Variants in LAMA2 observed in about 807,000 individuals in gnomAD.
LAMA2 encodes laminin subunit alpha 2.
A neutral mutation model predicts 364.8 loss-of-function variants in LAMA2; 269 were observed. That is an observed-to-expected ratio of 0.74 (90% CI 0.67 to 0.82). LAMA2 has a LOEUF of 0.82. Ranked by LOEUF, LAMA2 falls within the 40% of genes least tolerant of loss-of-function variation. LAMA2 has a pLI of 0.00. For missense variants in LAMA2, 3,807 were observed against 3,873.2 expected, an observed-to-expected ratio of 0.98 and a Z score of 0.45; for synonymous variants, 1,379 against 1,370.6, an observed-to-expected ratio of 1.01 and a Z score of -0.14.
chr6:129,245,927 A>G (rs1325116077), intron 12 of LAMA2, among the ~76,000 whole-genome samples: 1 of 152,188 alleles, frequency 6.6e-6, no homozygotes, highest in African/African-American at 2.4e-5. Flanking sequence ...AGACATTCTC[A>G]GTTCAGAATG....
intron 23 of LAMA2, among the ~76,000 whole-genome samples, chr6:129,314,359 A>C (rs1346372008): frequency 7.0e-6 from 1 of 143,006 alleles, no homozygotes; most frequent in Non-Finnish European, 1.5e-5. Flanking sequence ...AGATAGCGCC[A>C]CTGCACTCTG....
chr6:129,423,273 G>A (rs1376019553), intron 40 of LAMA2, among the ~76,000 whole-genome samples: 1 of 152,022 alleles, frequency 6.6e-6, no homozygotes, highest in Non-Finnish European at 1.5e-5. Flanking sequence ...AAGGATATCT[G>A]CTTCCATTAC....
chr6:129,180,444 A>G (rs1438828852), intron 10 of LAMA2, among the ~76,000 whole-genome samples: 1 of 152,128 alleles, frequency 6.6e-6, no homozygotes, highest in African/African-American at 2.4e-5. Context: ...CTCTTATACT[A>G]TAACATATGA....
intron 1 of LAMA2, among the ~76,000 whole-genome samples, chr6:129,035,175 T>G (rs1489943728): frequency 2.0e-5 from 3 of 152,286 alleles, no homozygotes; most frequent in Non-Finnish European, 4.4e-5. Context: ...ATACTAGCTA[T>G]TCTAATTTGT....
intron 12 of LAMA2, among the ~76,000 whole-genome samples, chr6:129,206,087 AGGAAGGGAGGGAGGGAG>A (rs1782634427): frequency 9.1e-6 from 1 of 109,460 alleles, no homozygotes; most frequent in Non-Finnish European, 1.8e-5. Flanking sequence ...GAAAGGAGGA[AGGAAGGGAGGGAGGGAG>A]GGAGGAAGGA....
At chr6:129,188,454 A>T (rs1268996107) in intron 10 of LAMA2, among the ~76,000 whole-genome samples, 1 of 151,950 alleles carries the variant, frequency 6.6e-6, no homozygotes, top group Admixed American at 6.6e-5. Flanking sequence ...GATTAGACCA[A>T]GCGCATAAGA....
rs558121979 is a variant in LAMA2 at position 129,282,221 on chromosome 6, G to A, written c.2537+2074G>A. 5.9e-5 allele frequency among the ~76,000 whole-genome samples: 9 copies of A among 152,310 alleles called. No individual in the cohort carries two copies. In the South Asian group the frequency reaches 6.2e-4, roughly 11 times the overall value. ...GTTAAAAGTTCTGGCATGTCCTACA[G>A]TGTGTAATTAAGAAATCTGTTCAAT... On this transcript the variant is annotated intron_variant, in intron 18 of 64. Transcript: ENST00000421865.
intron 64 of LAMA2, among the ~76,000 whole-genome samples, chr6:129,515,310 A>G (rs141091151): frequency 1.1e-3 from 175 of 152,370 alleles, no homozygotes; most frequent in African/African-American, 2.9e-3. Flanking sequence ...CAAAATGTAT[A>G]TTCAGCAATT....
At position 129,098,149 on chromosome 6, in the gene LAMA2, ATTG is replaced by A. The variant is rs748624866; in HGVS notation, c.397-15_397-13del. On this transcript the variant is annotated intron_variant, in intron 3 of 64. Coordinates refer to ENST00000421865, the MANE Select transcript of LAMA2 (RefSeq NM_000426.4). The stretch of plus-strand genomic sequence containing the variant: ...TGAGAATATTTGGGAATTCAATGTT[ATTG>A]TTGTTGTTATACTTCCCTAGGTGTT... 1.2e-3 allele frequency: 1,973 copies of A among 1,612,558 alleles called. No individual in the cohort carries two copies. Among genetic ancestry groups the A allele is most frequent in the Admixed American group, 2.4e-3 (143 of 60,014 alleles).
intron 49 of LAMA2, among the ~76,000 whole-genome samples, chr6:129,462,798 T>C (rs1562586986): frequency 6.6e-6 from 1 of 151,956 alleles, no homozygotes; most frequent in Non-Finnish European, 1.5e-5. Flanking sequence ...CTTATCACAT[T>C]TGAACATAAA....
At chr6:128,886,787 C>T (rs1192744572) in intron 1 of LAMA2, among the ~76,000 whole-genome samples, 3 of 152,170 alleles carry the variant, frequency 2.0e-5, no homozygotes, top group Non-Finnish European at 4.4e-5. Flanking sequence ...TCCTCACTTC[C>T]TCCCCATGCC....
rs369858448 is a variant in LAMA2, at chr6:129,208,250, T to G, written c.1782+15397T>G. Among the ~76,000 whole-genome samples the G allele has an allele frequency of 7.9e-5, 12 of 152,310 alleles. No individual in the cohort carries two copies. The East Asian group carries it at 2.3e-3, about 29-fold the overall frequency. ...TTACTTAATCTTCTGTGACACTGTT[T>G]CTTAATGTATAAAATGAAAATAATA... On this transcript the variant is annotated intron_variant, in intron 12 of 64. Transcript: ENST00000421865.
chr6:129,377,127 T>A (rs1778416401), intron 34 of LAMA2, among the ~76,000 whole-genome samples: 1 of 152,150 alleles, frequency 6.6e-6, no homozygotes, highest in Non-Finnish European at 1.5e-5. Flanking sequence ...GATAAACACC[T>A]CTTAACTATT....
chr6:129,274,832 A>G (rs1280898957), intron 17 of LAMA2, among the ~76,000 whole-genome samples: 1 of 152,042 alleles, frequency 6.6e-6, no homozygotes, highest in Admixed American at 6.6e-5. Context: ...AATTTCTGGC[A>G]TCACATAGCT....
At chr6:128,952,579 G>A (rs903649006) in intron 1 of LAMA2, among the ~76,000 whole-genome samples, 5 of 152,036 alleles carry the variant, frequency 3.3e-5, no homozygotes, top group Non-Finnish European at 4.4e-5. Flanking sequence ...CTATATTTAG[G>A]AGATGTTTAC....
At chr6:129,436,847 G>A (rs757858928) in intron 41 of LAMA2, 9 of 151,978 alleles carry the variant, frequency 5.9e-5, no homozygotes, top group South Asian at 4.1e-4. Context: ...TGTGAACTAC[G>A]TATTCTTATA....
At chr6:128,902,578 G>A (rs1384671101) in intron 1 of LAMA2, among the ~76,000 whole-genome samples, 2 of 152,214 alleles carry the variant, frequency 1.3e-5, no homozygotes, top group Non-Finnish European at 2.9e-5. Context: ...GGTAGACTCA[G>A]CAATGAGGAC....
intron 1 of LAMA2, among the ~76,000 whole-genome samples, chr6:129,025,481 C>T (rs754402977): frequency 7.2e-5 from 11 of 152,060 alleles, no homozygotes; most frequent in Admixed American, 5.9e-4. Flanking sequence ...AGAGATACCA[C>T]GTTTTGCTTT....
chr6:128,948,064 G>C (rs1318022793), intron 1 of LAMA2, among the ~76,000 whole-genome samples: 1 of 152,144 alleles, frequency 6.6e-6, no homozygotes, highest in Non-Finnish European at 1.5e-5. Context: ...GGAGTTAAAA[G>C]AGCCTGTGTA....
Sources: gnomAD v4.1 joint callset for allele counts (sites outside exome capture counted in the v4.1 genomes callset) on GRCh38, gnomAD v4.1.1 for gene constraint, MANE v1.5 for transcripts, NCBI Gene and HGNC (gene_info 2026-07-23, HGNC 2026-07-21) for gene names.